The following FAT3 variants were observed in gnomAD, a reference collection of about 807,000 sequenced individuals.
FAT3 encodes FAT atypical cadherin 3, also known as protocadherin Fat 3.
Under a neutral mutation model 310.2 loss-of-function variants are expected in FAT3, and 95 were observed. That is an observed-to-expected ratio of 0.31 (90% confidence interval 0.26 to 0.36). FAT3 has a LOEUF of 0.36. FAT3 is among the 10% of genes least tolerant of loss of function. The pLI is 1.00. For synonymous variants in FAT3, 2,314 were observed against 2,192.9 expected (o/e 1.06, Z -1.54); for missense variants, 5,408 against 5,715.6 (o/e 0.95, Z 1.74).
At chr11:92,366,900 T>G in intron 2 of FAT3, 1 of 533,448 alleles carries the variant, frequency 1.9e-6, no homozygotes, top group Non-Finnish European at 3.7e-6. Context: ...ACATCACAGG[T>G]GCACCTCCAG....
intron 1 of FAT3, among the ~76,000 whole-genome samples, chr11:92,277,911 C>A (rs1163361483): frequency 1.3e-5 from 2 of 151,778 alleles, no homozygotes; most frequent in Non-Finnish European, 2.9e-5. Context: ...CAAAACCCCA[C>A]CTTTACTAAA....
intron 1 of FAT3, among the ~76,000 whole-genome samples, chr11:92,285,063 G>A (rs1174107549): frequency 6.6e-6 from 1 of 152,100 alleles, no homozygotes; most frequent in African/African-American, 2.4e-5. Context: ...AGAGGTGAGT[G>A]GAAACACAGG....
intron 3 of FAT3, among the ~76,000 whole-genome samples, chr11:92,674,371 A>G (rs1411294447): frequency 1.3e-5 from 2 of 151,746 alleles, no homozygotes; most frequent in African/African-American, 4.8e-5. Context: ...GTATACTATG[A>G]TGCACAGGAA....
intron 9 of FAT3, among the ~76,000 whole-genome samples, chr11:92,797,373 T>G (rs1340398293): frequency 1.3e-5 from 2 of 152,226 alleles, no homozygotes; most frequent in Non-Finnish European, 2.9e-5. Flanking sequence ...TATAATGCTC[T>G]GAAACTATTC....
chr11:92,349,666 G>T (rs189236284), intron 1 of FAT3, among the ~76,000 whole-genome samples: 2 of 152,312 alleles, frequency 1.3e-5, no homozygotes, highest in Admixed American at 1.3e-4. Context: ...CTTGGTCCCT[G>T]CCCTAGTTAC....
chr11:92,823,310 T>A (rs1948018943), intron 13 of FAT3, among the ~76,000 whole-genome samples: 1 of 152,220 alleles, frequency 6.6e-6, no homozygotes, highest in South Asian at 2.1e-4. Flanking sequence ...ATTAGTTTAC[T>A]TACACTTAAT....
chr11:92,577,041 TTCATTC>T, intron 3 of FAT3, among the ~76,000 whole-genome samples: 1 of 152,124 alleles, frequency 6.6e-6, no homozygotes, highest in Non-Finnish European at 1.5e-5. Flanking sequence ...CATTCATTCA[TTCATTC>T]TTTTAGTATA....
At chr11:92,401,061 A>G (rs1276646753) in intron 2 of FAT3, among the ~76,000 whole-genome samples, 1 of 152,186 alleles carries the variant, frequency 6.6e-6, no homozygotes, top group Non-Finnish European at 1.5e-5. Context: ...CCTTATTGCC[A>G]TTCTTACAAC....
chr11:92,815,880 G>A (rs1377597900), intron 13 of FAT3, among the ~76,000 whole-genome samples: 2 of 152,136 alleles, frequency 1.3e-5, no homozygotes, highest in African/African-American at 4.8e-5. Context: ...TGCCTTCAAG[G>A]GGTTTACAGT....
chr11:92,458,924 T>C lies in FAT3; in HGVS notation c.3293-65710T>C, dbSNP rs1207746271. Among the ~76,000 whole-genome samples the C allele has an allele frequency of 2.6e-5, 4 of 152,192 alleles. No individual in the cohort carries two copies. In the East Asian group the frequency reaches 7.7e-4, roughly 29 times the overall value. ...CATTGTACATGCCTTCCAGGGACCA[T>C]GCACAGGCACTTGATAACTGTTTGG... is the stretch of plus-strand genomic sequence containing the variant. On this transcript the variant is annotated intron_variant, in intron 2 of 27. Coordinates refer to ENST00000525166, the MANE Select transcript of FAT3 (RefSeq NM_001367949.2).
At chr11:92,569,962 T>C (rs1053362567) in intron 3 of FAT3, among the ~76,000 whole-genome samples, 1 of 152,204 alleles carries the variant, frequency 6.6e-6, no homozygotes, top group Admixed American at 6.5e-5. Flanking sequence ...TGATATGTTA[T>C]GGCTCTCTTT....
chr11:92,615,992 T>C (rs1240249293), intron 3 of FAT3, among the ~76,000 whole-genome samples: 2 of 152,222 alleles, frequency 1.3e-5, no homozygotes, highest in African/African-American at 4.8e-5. Flanking sequence ...GTCTATTAGG[T>C]CCACTTGGTG....
intron 3 of FAT3, among the ~76,000 whole-genome samples, chr11:92,563,611 CT>C (rs1216902868): frequency 6.6e-6 from 1 of 152,096 alleles, no homozygotes; most frequent in Non-Finnish European, 1.5e-5. Context: ...CTGAATTTCT[CT>C]CGACTTATCC....
intron 3 of FAT3, among the ~76,000 whole-genome samples, chr11:92,687,379 C>T (rs1049240995): frequency 5.3e-5 from 8 of 152,190 alleles, no homozygotes; most frequent in African/African-American, 1.9e-4. Flanking sequence ...AAGCTTCTGT[C>T]TCGTTAATCT....
At chr11:92,755,440 T>C (rs1297567268) in intron 4 of FAT3, among the ~76,000 whole-genome samples, 1 of 152,154 alleles carries the variant, frequency 6.6e-6, no homozygotes, top group Non-Finnish European at 1.5e-5. Context: ...GCCAGCCTGG[T>C]ATCGAACTCC....
intron 2 of FAT3, among the ~76,000 whole-genome samples, chr11:92,404,167 C>T (rs1950088725): frequency 6.6e-6 from 1 of 151,908 alleles, no homozygotes; most frequent in African/African-American, 2.4e-5. Context: ...CTCCATTCAA[C>T]AAATATCAAG....
chr11:92,332,043 C>T (rs1947936028), intron 1 of FAT3, among the ~76,000 whole-genome samples: 1 of 152,214 alleles, frequency 6.6e-6, no homozygotes, highest in African/African-American at 2.4e-5. Flanking sequence ...GCAGCTCTTC[C>T]ATCATGGTGC....
intron 1 of FAT3, among the ~76,000 whole-genome samples, chr11:92,338,525 T>C (rs184153128): frequency 6.6e-6 from 1 of 152,120 alleles, no homozygotes; most frequent in East Asian, 1.9e-4. Context: ...CAGAGTAAAA[T>C]GATTTCCTCA....
chr11:92,746,767 C>T (rs1945683686), intron 4 of FAT3, among the ~76,000 whole-genome samples: 1 of 152,148 alleles, frequency 6.6e-6, no homozygotes, highest in African/African-American at 2.4e-5. Flanking sequence ...GAGAAATTGG[C>T]CAAAACATAG....
Sources: allele counts gnomAD v4.1 joint callset (sites outside exome capture counted in the v4.1 genomes callset), GRCh38; gene constraint gnomAD v4.1.1; transcripts MANE v1.5; gene names NCBI Gene and HGNC (gene_info 2026-07-23, HGNC 2026-07-21).